Variants in NLRP14 observed in about 807,000 individuals in gnomAD.
NLRP14 encodes NLR family pyrin domain containing 14.
Under a neutral mutation model 94.7 loss-of-function variants are expected in NLRP14, and 105 were observed. That is an observed-to-expected ratio of 1.11 (90% confidence interval 0.95 to 1.30). NLRP14 has a LOEUF of 1.30. NLRP14 is among the 50% of genes most tolerant of loss of function. The probability of loss-of-function intolerance (pLI) is 0.00; values close to 1 mark genes in which losing one functional copy is unlikely to be tolerated. For synonymous variants in NLRP14, 508 were observed against 459.9 expected (o/e 1.10, Z -1.34); for missense variants, 1,362 against 1,254.1 (o/e 1.09, Z -1.30).
intron 5 of NLRP14, among the ~76,000 whole-genome samples, chr11:7,047,038 T>A (rs1347189294): frequency 6.6e-6 from 1 of 152,224 alleles, no homozygotes; most frequent in African/African-American, 2.4e-5. Context: ...TAGTAGCTGT[T>A]CACATGGGTT....
the NLRP14 span, among the ~76,000 whole-genome samples, chr11:7,080,287 G>A: frequency 6.6e-6 from 1 of 152,152 alleles, no homozygotes; most frequent in African/African-American, 2.4e-5. Context: ...AGGACACATG[G>A]TTGGTGTCAG....
intron 6 of NLRP14, among the ~76,000 whole-genome samples, chr11:7,051,730 C>G (rs535909040): frequency 1.3e-3 from 197 of 152,184 alleles, no homozygotes; most frequent in Middle Eastern, 3.2e-3. Flanking sequence ...TCAAGCGATT[C>G]TCCTGCCTCA....
rs377271730 is a variant in NLRP14 at position 7,043,919 on chromosome 11, C to T, written c.1893C>T (p.Ile631=). Residue 631 remains isoleucine (I), a synonymous_variant, in exon 4 of 12, where the codon ATC becomes ATT. Transcript: ENST00000299481. The part of the protein sequence containing the change: ...CLKHCRCLRT[I]RLSVTVVFEK... Reference sequence around the variant, plus strand: ...AGCACTGCCGGTGTTTGCGGACCATCAGGCTGTCTGTAACTGTGGTATTTG... The same window carrying T: ...AGCACTGCCGGTGTTTGCGGACCATTAGGCTGTCTGTAACTGTGGTATTTG... 27 of 1,613,998 alleles carry T rather than the reference C, an allele frequency of 1.7e-5. No homozygotes were observed. Among genetic ancestry groups the T allele is most frequent in the Non-Finnish European group, 2.2e-5 (26 of 1,179,972 alleles).
the NLRP14 span, chr11:7,090,052 A>G: frequency 8.1e-6 from 13 of 1,612,908 alleles, no homozygotes; most frequent in Non-Finnish European, 1.0e-5. Flanking sequence ...TACGAGGAGT[A>G]CCGGGGCTAC....
intron 1 of NLRP14, among the ~76,000 whole-genome samples, chr11:7,036,629 T>A (rs1455643188): frequency 6.6e-6 from 1 of 152,154 alleles, no homozygotes; most frequent in Non-Finnish European, 1.5e-5. Flanking sequence ...TATTCCTGCT[T>A]ACAGATGGGA....
intron 1 of NLRP14, among the ~76,000 whole-genome samples, chr11:7,035,710 TC>T (rs1852151493): frequency 6.6e-6 from 1 of 152,136 alleles, no homozygotes; most frequent in African/African-American, 2.4e-5. Context: ...CTCTCCCCTC[TC>T]TAGGTGAGAT....
intron 11 of NLRP14, 102 bp downstream of exon 11, chr11:7,070,558 T>C: frequency 1.3e-6 from 1 of 779,048 alleles, no homozygotes; most frequent in Non-Finnish European, 2.2e-6. Context: ...TTGTGTATCA[T>C]TGGGTATTTT....
rs1361131229 is a variant in NLRP14 at position 7,059,905 on chromosome 11, G to C, written c.2645G>C (p.Cys882Ser). 9 of 1,611,954 alleles carry C rather than the reference G, an allele frequency of 5.6e-6. No homozygotes were observed. Reference protein sequence around the residue: ...CTLKSLVLRRCHFTSLSSEYL... With the variant: ...CTLKSLVLRRSHFTSLSSEYL... ...TGTCCTTCCTGTAGGCTGAGGCGTT[G>C]CCATTTCACTTCACTTAGCAGTGAA... The change falls in exon 9 of 12, where the codon TGC becomes TCC. Residue 882 changes from cysteine to serine, a missense_variant. Coordinates refer to ENST00000299481, the MANE Select transcript of NLRP14 (RefSeq NM_176822.4).
Position 7,046,985 on chromosome 11 carries a change from T to C in NLRP14, c.2123+153T>C, listed in dbSNP as rs1441574785. Among the ~76,000 whole-genome samples the C allele has an allele frequency of 3.3e-5, 5 of 152,210 alleles. No individual in the cohort carries two copies. In the East Asian group the frequency reaches 7.7e-4, roughly 23 times the overall value. On this transcript the variant is annotated intron_variant, in intron 5 of 11. Coordinates refer to ENST00000299481, the MANE Select transcript of NLRP14 (RefSeq NM_176822.4). ...GGAACAATGGAATCCTCTGGGGACA[T>C]GGGATCATTACTAACTGGTTCTCAG...
chr11:7,039,415 C>T (rs536198220), intron 2 of NLRP14, among the ~76,000 whole-genome samples: 6 of 151,848 alleles, frequency 4.0e-5, no homozygotes, highest in East Asian at 1.9e-4. Context: ...TGCACCTCAC[C>T]GTATCGTAGT....
chr11:7,059,964 C>T lies in NLRP14; in HGVS notation c.2704C>T (p.Leu902=), dbSNP rs1565024382. Residue 902 remains leucine (L), a synonymous_variant, in exon 9 of 12, where the codon CTG becomes TTG. Transcript: ENST00000299481. ...AACTTCTCTTCTACACAACAAGAGC[C>T]TGACGCATCTGGATCTAGGATCAAA... ...LSTSLLHNKS[L]THLDLGSNWL... The T allele has an allele frequency of 1.2e-6, 2 of 1,612,588 alleles. No individual in the cohort carries two copies. The highest frequency in any genetic ancestry group is 1.3e-5 in the African/African-American group (1 of 74,852).
chr11:7,078,940 G>A, the NLRP14 span, among the ~76,000 whole-genome samples: 2 of 152,216 alleles, frequency 1.3e-5, no homozygotes, highest in Admixed American at 6.5e-5. Flanking sequence ...CCTGAAGATA[G>A]CAGGAACAAA....
intron 8 of NLRP14, among the ~76,000 whole-genome samples, chr11:7,059,027 A>G (rs576506248): frequency 3.9e-5 from 6 of 151,952 alleles, no homozygotes; most frequent in African/African-American, 7.2e-5. Context: ...GACATCTACA[A>G]TCTTTTTGAT....
the NLRP14 span, among the ~76,000 whole-genome samples, chr11:7,079,946 G>A: frequency 1.7e-3 from 252 of 152,276 alleles, 2 homozygotes; most frequent in African/African-American, 5.7e-3. Flanking sequence ...AAGCCATTGC[G>A]ATAGGAGGGG....
At chr11:7,074,214 G>A (rs1361775634), downstream of NLRP14, among the ~76,000 whole-genome samples, 1 of 152,128 alleles carries the variant, frequency 6.6e-6, no homozygotes, top group African/African-American at 2.4e-5. Context: ...CAGTCAGAGG[G>A]GGCAAATGGT....
chr11:7,034,087 C>A (rs1461455362), intron 1 of NLRP14, among the ~76,000 whole-genome samples: 1 of 152,328 alleles, frequency 6.6e-6, no homozygotes, highest in East Asian at 1.9e-4. Flanking sequence ...GCACAGTCAG[C>A]GCTCTGGGAG....
chr11:7,073,034 ATCTG>A (rs142453107), downstream of NLRP14, among the ~76,000 whole-genome samples: 865 of 152,238 alleles, frequency 5.7e-3, 13 homozygotes, highest in African/African-American at 0.02. Context: ...CTGCTCTCAT[ATCTG>A]TCTAACTACC....
the NLRP14 span, among the ~76,000 whole-genome samples, chr11:7,088,615 A>G: frequency 6.6e-6 from 1 of 152,194 alleles, no homozygotes; most frequent in Non-Finnish European, 1.5e-5. Flanking sequence ...TCAGTAAGGT[A>G]AAATTTAAAC....
At chr11:7,042,165 T>A (rs769456594) in intron 3 of NLRP14, among the ~76,000 whole-genome samples, 1 of 152,082 alleles carries the variant, frequency 6.6e-6, no homozygotes, top group Non-Finnish European at 1.5e-5. Context: ...TTTTTCTGCA[T>A]CATCTATTCT....
Sources: allele counts gnomAD v4.1 joint callset (sites outside exome capture counted in the v4.1 genomes callset), GRCh38; gene constraint gnomAD v4.1.1; transcripts MANE v1.5; gene names NCBI Gene and HGNC (gene_info 2026-07-23, HGNC 2026-07-21).